Variants in CBFB observed in about 807,000 individuals in gnomAD.
The protein encoded by CBFB is CBF-beta.
In CBFB, 9 loss-of-function variants were observed where a neutral mutation model predicts 30.4. The ratio of observed to expected loss-of-function variants is 0.30; its 90% CI spans 0.18 to 0.52. The LOEUF (loss-of-function observed/expected upper bound fraction) is 0.52, where lower values mean the gene tolerates loss of function less well. Ranked by LOEUF, CBFB falls within the 20% of genes least tolerant of loss-of-function variation. The pLI is 0.97. For synonymous variants in CBFB, 94 were observed against 84.0 expected (o/e 1.12, Z -0.65); for missense variants, 170 against 244.0 (o/e 0.70, Z 2.02).
chr16:67,054,930 ATTT>A (rs751572190), intron 3 of CBFB, among the ~76,000 whole-genome samples: 2 of 122,734 alleles, frequency 1.6e-5, no homozygotes, highest in Admixed American at 8.2e-5. Context: ...AATTTTTTGT[ATTT>A]TTTTTTTTTT....
rs1315852855 is a variant in CBFB, at chr16:67,029,741, C to G, written c.93C>G (p.Gly31=). 3.8e-6 allele frequency: 6 copies of G among 1,596,182 alleles called. No homozygotes were observed. Among genetic ancestry groups the G allele is most frequent in the Admixed American group, 1.7e-5 (1 of 58,516 alleles). ...TTGCCTTGCAGATTAAGTACACGGG[C>G]TTCAGGGACCGGCCCCACGAGGAAC... ...LSRECEIKYT[G]FRDRPHEERQ... is the part of the protein sequence containing the mutation. The change falls in exon 2 of 6, where the codon GGC becomes GGG. Residue 31 remains glycine, a synonymous_variant. Coordinates refer to ENST00000412916, the MANE Select transcript of CBFB (RefSeq NM_022845.3).
intron 2 of CBFB, among the ~76,000 whole-genome samples, chr16:67,034,271 TTGAA>T (rs1014875994): frequency 7.2e-5 from 11 of 152,214 alleles, no homozygotes; most frequent in East Asian, 3.8e-4. Context: ...ATTCTAAAGA[TTGAA>T]TGGTAAAAAG....
At chr16:67,047,814 G>A (rs982559592) in intron 3 of CBFB, among the ~76,000 whole-genome samples, 1 of 151,996 alleles carries the variant, frequency 6.6e-6, no homozygotes, top group African/African-American at 2.4e-5. Flanking sequence ...CGTGCCTTTG[G>A]TCCCAGTGCT....
chr16:67,052,581 A>G (rs942965928), intron 3 of CBFB, among the ~76,000 whole-genome samples: 2 of 152,006 alleles, frequency 1.3e-5, no homozygotes, highest in South Asian at 4.2e-4. Context: ...GTCTCTTAAA[A>G]AAAAAAAAAT....
chr16:67,043,831 T>G (rs980921950), intron 3 of CBFB, among the ~76,000 whole-genome samples: 1 of 152,204 alleles, frequency 6.6e-6, no homozygotes, highest in Non-Finnish European at 1.5e-5. Flanking sequence ...GATAGAGTGT[T>G]TGTGCTACAG....
At chr16:67,051,393 T>C (rs1966736577) in intron 3 of CBFB, among the ~76,000 whole-genome samples, 1 of 152,114 alleles carries the variant, frequency 6.6e-6, no homozygotes, top group Non-Finnish European at 1.5e-5. Context: ...TGTATTTATA[T>C]GGATCCAAAA....
At chr16:67,032,637 AC>A (rs1966371225) in intron 2 of CBFB, among the ~76,000 whole-genome samples, 1 of 152,128 alleles carries the variant, frequency 6.6e-6, no homozygotes, top group African/African-American at 2.4e-5. Context: ...TTTTCACAAT[AC>A]CTTTTATATC....
chr16:67,029,367 GCCCCGAGC>G lies in CBFB; in HGVS notation c.-40_-33del. 1 of 1,436,134 alleles carries G rather than the reference GCCCCGAGC, an allele frequency of 7.0e-7. No individual in the cohort carries two copies. The highest frequency in any genetic ancestry group is 9.2e-7 in the Non-Finnish European group (1 of 1,083,604). 89.0% of individuals were successfully genotyped at this position (1,436,134 alleles called of 1,614,324 possible). A position where few individuals can be genotyped will look rare whatever the true frequency, so the allele number is the denominator to read the frequency against. On this transcript the variant is annotated 5_prime_UTR_variant, in exon 1 of 6. Transcript: ENST00000412916. ...AGCCAGCCAGCGGGTGCCCGCGCAA[GCCCCGAGC>G]GCGGCCGGCCGGCGCGGCCTCAGGG...
intron 4 of CBFB, among the ~76,000 whole-genome samples, chr16:67,067,753 C>G (rs1961100411): frequency 6.6e-6 from 1 of 152,142 alleles, no homozygotes; most frequent in Non-Finnish European, 1.5e-5. Flanking sequence ...AAAAAAAAAT[C>G]CATGCCCAGG....
chr16:67,045,656 C>T (rs560472263), intron 3 of CBFB, among the ~76,000 whole-genome samples: 31 of 152,186 alleles, frequency 2.0e-4, no homozygotes, highest in Non-Finnish European at 3.2e-4. Context: ...TTTTGGATTG[C>T]ATTATTTCCA....
intron 3 of CBFB, among the ~76,000 whole-genome samples, chr16:67,037,087 T>TG (rs1316457587): frequency 1.3e-5 from 2 of 152,004 alleles, no homozygotes; most frequent in African/African-American, 4.8e-5. Context: ...TTAGTGGAGA[T>TG]GGGGTTTCAC....
In CBFB at chr16:67,099,473, C is replaced by CG. The variant is rs1962156347; in HGVS notation, c.*696dup. 4.9e-6 allele frequency: 1 copy of CG among 202,126 alleles called. No individual in the cohort carries two copies. Among genetic ancestry groups the CG allele is most frequent in the Non-Finnish European group, 1.0e-5 (1 of 98,748 alleles). 12.5% of individuals were successfully genotyped at this position (202,126 alleles called of 1,614,324 possible). ...CTCGCAGTGTTGCCCAGGCTGGTCT[C>CG]GAACTCCTGGCATCAAGCGATCCTC... is the stretch of plus-strand genomic sequence containing the variant. On this transcript the variant is annotated 3_prime_UTR_variant, in exon 6 of 6. Transcript: ENST00000412916.
intron 5 of CBFB, among the ~76,000 whole-genome samples, chr16:67,083,625 A>G (rs1022884370): frequency 1.3e-5 from 2 of 151,844 alleles, no homozygotes; most frequent in Non-Finnish European, 2.9e-5. Context: ...TAGTTAATTT[A>G]TGTCTTGTGT....
At chr16:67,082,855 C>A (rs920898111) in intron 5 of CBFB, among the ~76,000 whole-genome samples, 1 of 152,030 alleles carries the variant, frequency 6.6e-6, no homozygotes, top group African/African-American at 2.4e-5. Context: ...TCAACATTAA[C>A]AAATCTGTAG....
intron 5 of CBFB, among the ~76,000 whole-genome samples, chr16:67,095,777 C>G (rs1962030440): frequency 6.6e-6 from 1 of 151,154 alleles, no homozygotes; most frequent in East Asian, 2.0e-4. Flanking sequence ...ACCACAACCT[C>G]TGCCTTTCTG....
At chr16:67,036,800 GT>G in intron 3 of CBFB, 45 bp downstream of exon 3, 1 of 1,047,592 alleles carries the variant, frequency 9.5e-7, no homozygotes, top group Non-Finnish European at 1.5e-6. Flanking sequence ...GGGTTGTTTT[GT>G]TAGAGATTAT....
In CBFB at chr16:67,029,732, G is replaced by A. The variant is rs762985110; in HGVS notation, c.84G>A (p.Lys28=). ...CGGGCCGTCTTGCCTTGCAGATTAA[G>A]TACACGGGCTTCAGGGACCGGCCCC... ...FRKLSRECEI[K]YTGFRDRPHE... The change falls in exon 2 of 6, where the codon AAG becomes AAA. Residue 28 remains lysine (K), a synonymous_variant. Coordinates refer to ENST00000412916, the MANE Select transcript of CBFB (RefSeq NM_022845.3). 3 of 1,594,256 alleles carry A rather than the reference G, an allele frequency of 1.9e-6. No homozygotes were observed. Among genetic ancestry groups the A allele is most frequent in the South Asian group, 2.3e-5 (2 of 88,784 alleles).
chr16:67,035,739 A>G (rs1407398711), intron 2 of CBFB, among the ~76,000 whole-genome samples: 1 of 152,226 alleles, frequency 6.6e-6, no homozygotes, highest in African/African-American at 2.4e-5. Context: ...AATAAACCAA[A>G]CAAAAAACTT....
chr16:67,046,076 G>A (rs1022026726), intron 3 of CBFB, among the ~76,000 whole-genome samples: 2 of 151,092 alleles, frequency 1.3e-5, no homozygotes, highest in South Asian at 2.1e-4. Context: ...GATTATAGGC[G>A]CTCTGAGCCA....
Sources: gnomAD v4.1 joint callset for allele counts (sites outside exome capture counted in the v4.1 genomes callset) on GRCh38, gnomAD v4.1.1 for gene constraint, MANE v1.5 for transcripts, NCBI Gene and HGNC (gene_info 2026-07-23, HGNC 2026-07-21) for gene names.